ADAMTS2: variants seen among roughly 807,000 people sequenced by gnomAD.
The protein encoded by ADAMTS2 is A disintegrin and metalloproteinase with thrombospondin motifs 2.
In ADAMTS2, 50 loss-of-function variants were observed where a neutral mutation model predicts 123.0. The observed-to-expected ratio is 0.41, with a 90% CI of 0.32 to 0.51. ADAMTS2 has a LOEUF of 0.51. Among genes scored for constraint, ADAMTS2 ranks in the 20% least tolerant of loss-of-function variants. The probability of loss-of-function intolerance (pLI) is 0.35; values close to 1 mark genes in which losing one functional copy is unlikely to be tolerated. For synonymous variants in ADAMTS2, 678 were observed against 695.4 expected, an observed-to-expected ratio of 0.98 and a Z score of 0.39; for missense variants, 1,494 against 1,705.2, an observed-to-expected ratio of 0.88 and a Z score of 2.18.
chr5:179,246,543 T>C (rs935042887), intron 3 of ADAMTS2, among the ~76,000 whole-genome samples: 3 of 152,124 alleles, frequency 2.0e-5, no homozygotes, highest in African/African-American at 7.2e-5. Context: ...CCAGAGAATC[T>C]AGGATTCTAC....
At chr5:179,193,956 C>A (rs1739422996) in intron 4 of ADAMTS2, among the ~76,000 whole-genome samples, 2 of 152,306 alleles carry the variant, frequency 1.3e-5, no homozygotes, top group Admixed American at 6.5e-5. Context: ...CACATCATCG[C>A]CTCTGTTCTT....
At chr5:179,198,655 G>A (rs1387897129) in intron 4 of ADAMTS2, among the ~76,000 whole-genome samples, 1 of 152,112 alleles carries the variant, frequency 6.6e-6, no homozygotes, top group African/African-American at 2.4e-5. Flanking sequence ...CCAACATGGT[G>A]AAACCCCGTC....
chr5:179,187,360 G>T (rs1208676036), intron 4 of ADAMTS2, among the ~76,000 whole-genome samples: 1 of 152,220 alleles, frequency 6.6e-6, no homozygotes, highest in African/African-American at 2.4e-5. Flanking sequence ...TGCTCCAGCG[G>T]CTAGCCCGGC....
chr5:179,223,997 A>C (rs1765210142), intron 3 of ADAMTS2, among the ~76,000 whole-genome samples: 1 of 152,232 alleles, frequency 6.6e-6, no homozygotes, highest in Non-Finnish European at 1.5e-5. Flanking sequence ...ATAAATGGAA[A>C]ACTTAGTTAT....
Position 179,242,919 on chromosome 5 carries a change from G to A in ADAMTS2, c.688+29992C>T, listed in dbSNP as rs541219634. On this transcript the variant is annotated intron_variant, in intron 3 of 21. Transcript: ENST00000251582. This position sits in a 1 kb window ranked among gnomAD's most constrained non-coding sequence, Gnocchi z 4.2. ...AGCCCTAACTCAGGGCAGGAGCTCC[G>A]TCTCAGGTGCAGCAGGGCGAGAGTG... Among the ~76,000 whole-genome samples the A allele has an allele frequency of 1.6e-4, 25 of 152,290 alleles. 1 individual carries two copies. Among genetic ancestry groups the A allele is most frequent in the South Asian group, 4.1e-4 (2 of 4,822 alleles).
chr5:179,315,878 G>A (rs1756976246), intron 2 of ADAMTS2, among the ~76,000 whole-genome samples: 1 of 152,202 alleles, frequency 6.6e-6, no homozygotes, highest in Admixed American at 6.5e-5. Context: ...AGAGACAGAG[G>A]GCAGGGAGAA....
intron 3 of ADAMTS2, among the ~76,000 whole-genome samples, chr5:179,224,718 G>C (rs1366038312): frequency 6.6e-6 from 1 of 152,230 alleles, no homozygotes; most frequent in Non-Finnish European, 1.5e-5. Context: ...TGCATGTGAA[G>C]TCTCTGATCT....
chr5:179,211,497 C>T (rs917046015), intron 3 of ADAMTS2, among the ~76,000 whole-genome samples: 1 of 152,198 alleles, frequency 6.6e-6, no homozygotes, highest in South Asian at 2.1e-4. Flanking sequence ...CCTGGCATTC[C>T]CTGTGCTCAG....
chr5:179,156,233 C>T (rs967186475), intron 6 of ADAMTS2, among the ~76,000 whole-genome samples: 2 of 151,976 alleles, frequency 1.3e-5, no homozygotes, highest in South Asian at 2.1e-4. Flanking sequence ...TTTCTCTCTC[C>T]GGAATCTTAT....
In ADAMTS2 at chr5:179,342,605, C is replaced by T. The variant is rs551340602; in HGVS notation, c.534+1162G>A. ...CCTCAGCTGCCCGAGTACGGGCGTG[C>T]TCAGGGGCCACGGGGGCTGGGAGAG... On this transcript the variant is annotated intron_variant, in intron 2 of 21. Transcript: ENST00000251582. 8.5e-5 allele frequency among the ~76,000 whole-genome samples: 13 copies of T among 152,360 alleles called. No homozygotes were observed. In the East Asian group the frequency reaches 2.3e-3, roughly 27 times the overall value.
chr5:179,286,216 C>CA lies in ADAMTS2; in HGVS notation c.535-13153dup, dbSNP rs33951526. Among the ~76,000 whole-genome samples, 368 of 65,786 alleles carry CA rather than the reference C, an allele frequency of 5.6e-3. 2 individuals are homozygous for CA. Among genetic ancestry groups the CA allele is most frequent in the African/African-American group, 0.012 (195 of 16,050 alleles). The allele number at this position is 65,786 out of a possible 152,430, so 43.2% of individuals were successfully genotyped here. A position where few individuals can be genotyped will look rare whatever the true frequency, so the allele number is the denominator to read the frequency against. ...GCTACAGAGTGAGAGACTCTTGTCT[C>CA]AAAAAAAAAAAAAAAAAAAAAAAGA... On this transcript the variant is annotated intron_variant, in intron 2 of 21. Transcript: ENST00000251582.
intron 2 of ADAMTS2, among the ~76,000 whole-genome samples, chr5:179,341,549 A>AT (rs1390135259): frequency 2.6e-5 from 4 of 151,824 alleles, no homozygotes; most frequent in Non-Finnish European, 5.9e-5. Context: ...AAATTAAAAA[A>AT]AAAATAAAAA....
intron 2 of ADAMTS2, among the ~76,000 whole-genome samples, chr5:179,339,135 C>CGAAG (rs1171834612): frequency 3.3e-5 from 5 of 152,248 alleles, no homozygotes; most frequent in African/African-American, 1.2e-4. Flanking sequence ...GGCCCCTCTT[C>CGAAG]ATTCCAGAGT....
intron 9 of ADAMTS2, 146 bp downstream of exon 9, chr5:179,153,345 G>A (rs569110949): frequency 7.3e-5 from 94 of 1,279,614 alleles, no homozygotes; most frequent in Non-Finnish European, 9.2e-5. Flanking sequence ...GGAGTGGTGG[G>A]TGCAGAGGGA....
At chr5:179,239,872 G>A (rs949470306) in intron 3 of ADAMTS2, among the ~76,000 whole-genome samples, 2 of 152,172 alleles carry the variant, frequency 1.3e-5, no homozygotes, top group Non-Finnish European at 2.9e-5. Context: ...CAAGGGAGCA[G>A]GAGGGACTAG....
chr5:179,289,171 C>T (rs915333337), intron 2 of ADAMTS2, among the ~76,000 whole-genome samples: 4 of 152,150 alleles, frequency 2.6e-5, no homozygotes, highest in Admixed American at 1.3e-4. Context: ...CCTGTCCCAC[C>T]GCCCCGTGTG....
chr5:179,312,135 C>T lies in ADAMTS2; in HGVS notation c.534+31632G>A, dbSNP rs190225406. Among the ~76,000 whole-genome samples the T allele has an allele frequency of 2.6e-5, 4 of 152,252 alleles. No homozygotes were observed. The highest frequency in any genetic ancestry group is 6.5e-5 in the Admixed American group (1 of 15,294). On this transcript the variant is annotated intron_variant, in intron 2 of 21. Transcript: ENST00000251582. This position sits in a 1 kb window ranked among gnomAD's most constrained non-coding sequence, Gnocchi z 4.2. ...GAAAAATGGCCCCCGAAGACACGTC[C>T]GGGTCCCAATCCCTGGAACCCATAA...
chr5:179,255,555 T>G (rs921726156), intron 3 of ADAMTS2, among the ~76,000 whole-genome samples: 1 of 152,136 alleles, frequency 6.6e-6, no homozygotes, highest in African/African-American at 2.4e-5. Context: ...CCTCCACCAG[T>G]GAGTTCAGAT....
chr5:179,297,321 TC>T (rs1001583194), intron 2 of ADAMTS2, among the ~76,000 whole-genome samples: 7 of 152,068 alleles, frequency 4.6e-5, no homozygotes, highest in Non-Finnish European at 1.0e-4. Context: ...CAAAAATTGA[TC>T]CCGGCCTCCC....
Sources: allele counts gnomAD v4.1 joint callset (sites outside exome capture counted in the v4.1 genomes callset), GRCh38; gene constraint gnomAD v4.1.1; non-coding constraint Gnocchi (gnomAD v3.1); transcripts MANE v1.5; gene names NCBI Gene and HGNC (gene_info 2026-07-23, HGNC 2026-07-21).